Variants in ITPR2 observed in about 807,000 individuals in gnomAD.
ITPR2 encodes inositol 1,4,5-trisphosphate-gated calcium channel ITPR2.
In ITPR2, 207 loss-of-function variants were observed where a neutral mutation model predicts 317.1. That is an observed-to-expected ratio of 0.65 (90% CI 0.58 to 0.73). The LOEUF is 0.73. ITPR2 is among the 30% of genes least tolerant of loss of function. The probability of loss-of-function intolerance (pLI) is 0.00; values close to 1 mark genes in which losing one functional copy is unlikely to be tolerated. For missense variants in ITPR2, 2,613 were observed against 3,284.0 expected (o/e 0.80, Z 4.99); for synonymous variants, 1,156 against 1,149.1 (o/e 1.01, Z -0.12).
At chr12:26,423,093 C>T (rs1321117242) in intron 49 of ITPR2, among the ~76,000 whole-genome samples, 1 of 152,130 alleles carries the variant, frequency 6.6e-6, no homozygotes, top group Admixed American at 6.6e-5. Flanking sequence ...CTAAATTCAT[C>T]TCATCATACT....
intron 50 of ITPR2, among the ~76,000 whole-genome samples, chr12:26,417,398 C>G (rs1940752697): frequency 6.6e-6 from 1 of 152,152 alleles, no homozygotes; most frequent in Admixed American, 6.5e-5. Flanking sequence ...TGTGTCTCCA[C>G]CCAAATTTCA....
intron 26 of ITPR2, among the ~76,000 whole-genome samples, chr12:26,603,911 A>G (rs182360111): frequency 7.0e-4 from 107 of 152,258 alleles, no homozygotes; most frequent in African/African-American, 2.3e-3. Context: ...TTTACGATCT[A>G]TTCAAAATTG....
At chr12:26,585,287 A>G (rs563026658) in intron 32 of ITPR2, among the ~76,000 whole-genome samples, 77 of 152,332 alleles carry the variant, frequency 5.1e-4, no homozygotes, top group Non-Finnish European at 9.9e-4. Flanking sequence ...TAAGCATTTT[A>G]CATTATTAAA....
At position 26,521,237 on chromosome 12, in the gene ITPR2, T is replaced by A. The variant is rs549244728; in HGVS notation, c.5074-25977A>T. ...CATTTGCAAAGAAAAGTTCACACAC[T>A]CTTAACTGAAGTTCAGAAAACCATG... On this transcript the variant is annotated intron_variant, in intron 37 of 56. Coordinates refer to ENST00000381340, the MANE Select transcript of ITPR2 (RefSeq NM_002223.4). Among the ~76,000 whole-genome samples the A allele has an allele frequency of 7.9e-5, 12 of 152,342 alleles. 1 individual carries two copies. In the South Asian group the frequency reaches 2.3e-3, roughly 29 times the overall value.
At chr12:26,407,586 G>A (rs1385112647) in intron 52 of ITPR2, among the ~76,000 whole-genome samples, 1 of 152,102 alleles carries the variant, frequency 6.6e-6, no homozygotes, top group Middle Eastern at 3.2e-3. Context: ...ATAAAGAAAG[G>A]CTTAAAAAAA....
chr12:26,390,735 GAT>G (rs1278205004), intron 54 of ITPR2, among the ~76,000 whole-genome samples: 1 of 152,084 alleles, frequency 6.6e-6, no homozygotes, highest in East Asian at 1.9e-4. Flanking sequence ...TGAATTATAT[GAT>G]GTGTGAATTA....
chr12:26,695,534 A>C (rs1948325006), intron 10 of ITPR2, 72 bp downstream of exon 10: 2 of 1,315,988 alleles, frequency 1.5e-6, no homozygotes, highest in Non-Finnish European at 2.2e-6. Context: ...TTTGCTATTA[A>C]AATTCCAATC....
In ITPR2 at chr12:26,481,251, A is replaced by T; in HGVS notation, c.6013-10T>A. The T allele has an allele frequency of 6.9e-7, 1 of 1,446,580 alleles. No individual in the cohort carries two copies. The highest frequency in any genetic ancestry group is 9.7e-7 in the Non-Finnish European group (1 of 1,029,624). The allele number at this position is 1,446,580 out of a possible 1,614,324, so 89.6% of individuals were successfully genotyped here. ...GTGTAGCGATACAGGTCTAGAAAAC[A>T]AAATATTTGTAAAATATCATTTTAT... On this transcript the variant is annotated splice_polypyrimidine_tract_variant and intron_variant, in intron 42 of 56. Coordinates refer to ENST00000381340, the MANE Select transcript of ITPR2 (RefSeq NM_002223.4).
intron 54 of ITPR2, among the ~76,000 whole-genome samples, chr12:26,394,063 G>A (rs759962918): frequency 1.3e-5 from 2 of 152,174 alleles, no homozygotes; most frequent in Non-Finnish European, 2.9e-5. Context: ...ATTAACATGT[G>A]TTGAGGGCAG....
chr12:26,687,557 G>A (rs1036669489), intron 10 of ITPR2, among the ~76,000 whole-genome samples: 2 of 152,172 alleles, frequency 1.3e-5, no homozygotes, highest in Non-Finnish European at 2.9e-5. Flanking sequence ...TTCAATGGCT[G>A]CTGCGACAAC....
chr12:26,543,064 C>T (rs1253003082), intron 37 of ITPR2, among the ~76,000 whole-genome samples: 9 of 151,994 alleles, frequency 5.9e-5, no homozygotes, highest in Admixed American at 5.9e-4. Flanking sequence ...ACTTGTAATG[C>T]TCTATAAATC....
chr12:26,664,755 A>AT (rs1279036874), intron 14 of ITPR2, among the ~76,000 whole-genome samples: 2 of 152,160 alleles, frequency 1.3e-5, no homozygotes, highest in African/African-American at 4.8e-5. Flanking sequence ...TTATTAATTA[A>AT]TTATCCAAGG....
At chr12:26,781,855 T>C (rs538334805) in intron 2 of ITPR2, among the ~76,000 whole-genome samples, 5 of 151,804 alleles carry the variant, frequency 3.3e-5, no homozygotes, top group Non-Finnish European at 7.4e-5. Flanking sequence ...AAGGCTAGAC[T>C]GGCTTAGCCT....
At chr12:26,674,096 A>G (rs1440614982) in intron 13 of ITPR2, among the ~76,000 whole-genome samples, 43 of 141,746 alleles carry the variant, frequency 3.0e-4, no homozygotes, top group Admixed American at 2.9e-3. Context: ...GGAAGAATCA[A>G]TATCGTGAAA....
chr12:26,700,407 C>T (rs755710051), intron 9 of ITPR2, among the ~76,000 whole-genome samples: 8 of 152,226 alleles, frequency 5.3e-5, no homozygotes, highest in African/African-American at 7.2e-5. Context: ...TTTTTATATG[C>T]TTTTACAGGT....
At chr12:26,759,169 A>G (rs953398068) in intron 2 of ITPR2, among the ~76,000 whole-genome samples, 1 of 152,228 alleles carries the variant, frequency 6.6e-6, no homozygotes, top group East Asian at 1.9e-4. Flanking sequence ...CCCCCTCCCC[A>G]GATGTAGGTG....
chr12:26,666,087 T>G lies in ITPR2; in HGVS notation c.1410-36A>C, dbSNP rs201471901. The G allele has an allele frequency of 8.2e-6, 13 of 1,583,222 alleles. No homozygotes were observed. The East Asian group carries it at 2.9e-4, about 36-fold the overall frequency. On this transcript the variant is annotated intron_variant, in intron 13 of 56. Transcript: ENST00000381340. ...ATGAAAAGGAAATTTTACTTTACAG[T>G]GTGCTTAATTTTGGAAAATGTATAG...
At chr12:26,511,428 A>G (rs967550122) in intron 37 of ITPR2, among the ~76,000 whole-genome samples, 4 of 152,202 alleles carry the variant, frequency 2.6e-5, no homozygotes, top group African/African-American at 9.7e-5. Context: ...ATCCCTGTCC[A>G]ACTATTTGGT....
intron 2 of ITPR2, among the ~76,000 whole-genome samples, chr12:26,779,567 C>T (rs1950041240): frequency 6.6e-6 from 1 of 152,198 alleles, no homozygotes; most frequent in African/African-American, 2.4e-5. Flanking sequence ...TCGATGGCCT[C>T]ATGAGGAGTT....
Sources: allele counts gnomAD v4.1 joint callset (sites outside exome capture counted in the v4.1 genomes callset), GRCh38; gene constraint gnomAD v4.1.1; transcripts MANE v1.5; gene names NCBI Gene and HGNC (gene_info 2026-07-23, HGNC 2026-07-21).